CDK11B: variants seen among roughly 807,000 people sequenced by gnomAD.
The protein encoded by CDK11B is cyclin dependent kinase 11B.
CDK11B carries 37 observed loss-of-function variants against 84.0 expected under a neutral mutation model. The ratio of observed to expected loss-of-function variants is 0.44; its 90% CI spans 0.34 to 0.58. The LOEUF is 0.58. CDK11B is among the 20% of genes least tolerant of loss of function. The pLI, the probability that CDK11B is intolerant of heterozygous loss-of-function variation, is 0.02. For synonymous variants in CDK11B, 269 were observed against 309.8 expected (o/e 0.87, Z 1.38); for missense variants, 427 against 834.0 (o/e 0.51, Z 6.01).
Position 1,637,753 on chromosome 1 carries a change from C to G in CDK11B, c.1464+9G>C. 1 of 1,613,732 alleles carries G rather than the reference C, an allele frequency of 6.2e-7. No homozygotes were observed. The highest frequency in any genetic ancestry group is 1.1e-5 in the South Asian group (1 of 91,072). On this transcript the variant is annotated intron_variant, in intron 13 of 19. Transcript: ENST00000341832. The stretch of plus-strand genomic sequence containing the variant: ...CACCCGGGGCCAGGCGTGGTGGGGC[C>G]ATGCTCACTCTAACGGTGACGATGT...
intron 3 of CDK11B, among the ~76,000 whole-genome samples, chr1:1,653,863 C>CACACACA (rs761317190): frequency 9.8e-5 from 13 of 132,852 alleles, no homozygotes; most frequent in Middle Eastern, 3.4e-3. Flanking sequence ...CACACACACA[C>CACACACA]CCGAGCGTGG....
intron 4 of CDK11B, among the ~76,000 whole-genome samples, chr1:1,650,370 C>CTTTT (rs1214383150): frequency 6.6e-5 from 8 of 120,556 alleles, no homozygotes; most frequent in Admixed American, 4.3e-4. Context: ...TCTTTTTTTT[C>CTTTT]TTTTTTTTTT....
At chr1:1,645,906 T>A (rs1310493641) in intron 5 of CDK11B, 3 of 350,488 alleles carry the variant, frequency 8.6e-6, no homozygotes, top group African/African-American at 6.5e-5. Flanking sequence ...TGGCGCAATC[T>A]CGGCTCACTG....
chr1:1,641,237 G>A (rs1174466718), intron 9 of CDK11B, 124 bp from the exon 10 acceptor site: 16 of 1,497,454 alleles, frequency 1.1e-5, no homozygotes, highest in East Asian at 4.7e-5. Context: ...GGCCGGGCGC[G>A]GTGGCTCACG....
At position 1,640,261 on chromosome 1, in the gene CDK11B, G is replaced by A. The variant is rs1421706648; in HGVS notation, c.1251+16C>T. The A allele has an allele frequency of 1.2e-5, 20 of 1,612,496 alleles. No individual in the cohort carries two copies. Among genetic ancestry groups the A allele is most frequent in the Admixed American group, 5.0e-5 (3 of 59,970 alleles). ...GCCAATGCGGACAGTGGCCCGGGGC[G>A]AGGGGAGGGCCTGACCTGCAGGGCC... On this transcript the variant is annotated intron_variant, in intron 11 of 19. Transcript: ENST00000341832.
chr1:1,654,531 C>A (rs761862645), intron 3 of CDK11B, among the ~76,000 whole-genome samples: 1 of 152,210 alleles, frequency 6.6e-6, no homozygotes, highest in Non-Finnish European at 1.5e-5. Context: ...GATCTGCCTG[C>A]CTCGGCCTCC....
At chr1:1,657,110 A>G in intron 2 of CDK11B, 2 of 1,050,806 alleles carry the variant, frequency 1.9e-6, no homozygotes, top group South Asian at 1.4e-5. Context: ...AAATTAGTCC[A>G]GTTTTGCTAA....
intron 3 of CDK11B, 136 bp downstream of exon 3, chr1:1,655,233 C>G: frequency 9.0e-7 from 1 of 1,111,358 alleles, no homozygotes; most frequent in Non-Finnish European, 1.2e-6. Context: ...AATAGTTACG[C>G]TATGTCACAG....
At chr1:1,647,600 C>T (rs3820001) in intron 5 of CDK11B, among the ~76,000 whole-genome samples, 1 of 145,614 alleles carries the variant, frequency 6.9e-6, no homozygotes, top group South Asian at 2.2e-4. Context: ...TGAACGTTCA[C>T]GCGTCATTCG....
intron 11 of CDK11B, among the ~76,000 whole-genome samples, chr1:1,639,497 CCCTA>C (rs1236194575): frequency 2.0e-5 from 3 of 151,914 alleles, no homozygotes; most frequent in African/African-American, 7.3e-5. Context: ...TGAGGACGGG[CCCTA>C]CCTGCCAGGC....
intron 17 of CDK11B, 23 bp from the exon 18 acceptor site, chr1:1,636,504 C>G: frequency 6.2e-7 from 1 of 1,605,558 alleles, no homozygotes; most frequent in South Asian, 1.1e-5. Flanking sequence ...GGTGCTTCAA[C>G]AGCCACACCA....
intron 10 of CDK11B, among the ~76,000 whole-genome samples, chr1:1,640,751 G>A (rs1169354079): frequency 2.6e-5 from 4 of 152,256 alleles, no homozygotes; most frequent in Non-Finnish European, 4.4e-5. Flanking sequence ...GGCTGGGCCA[G>A]GCCTCTGCTC....
Position 1,635,302 on chromosome 1 carries a change from C to G in CDK11B, c.*462G>C. On this transcript the variant is annotated 3_prime_UTR_variant, in exon 20 of 20. Coordinates refer to ENST00000341832, the MANE Select transcript of CDK11B (RefSeq NM_033486.3). ...AAACCTGTCGAGTCTGCTGGCACAG[C>G]TGGGGCTGGGGGTTGGGGGCCGGGG... The G allele has an allele frequency of 4.6e-5, 3 of 65,780 alleles. No homozygotes were observed. The allele number at this position is 65,780 out of a possible 1,614,324, so 4.1% of individuals were successfully genotyped here. A position where few individuals can be genotyped will look rare whatever the true frequency, so the allele number is the denominator to read the frequency against.
rs1365291164 is a variant in CDK11B, at chr1:1,652,584, A to G, written c.228-18T>C. On this transcript the variant is annotated intron_variant, in intron 3 of 19. Coordinates refer to ENST00000341832, the MANE Select transcript of CDK11B (RefSeq NM_033486.3). ...CTTCTCCTCTGAAATAAAACACAAC[A>G]GCACTGCATCATGCTTGAGAAAGTG... 15 of 1,414,272 alleles carry G rather than the reference A, an allele frequency of 1.1e-5. No individual in the cohort carries two copies. Among genetic ancestry groups the G allele is most frequent in the Non-Finnish European group, 1.3e-5 (14 of 1,083,616 alleles). 87.6% of individuals were successfully genotyped at this position (1,414,272 alleles called of 1,614,324 possible).
rs1290529372 is a variant in CDK11B, at chr1:1,649,870, C to T, written c.356-233G>A. ...GGCACCTGTAATCCCAGCTACTAAG[C>T]GAGGCTGAGGCAGAAGAATTGCTTG... On this transcript the variant is annotated intron_variant, in intron 4 of 19. Transcript: ENST00000341832. Among the ~76,000 whole-genome samples, 19 of 146,334 alleles carry T rather than the reference C, an allele frequency of 1.3e-4. No homozygotes were observed. In the East Asian group the frequency reaches 3.7e-3, roughly 28 times the overall value.
intron 5 of CDK11B, among the ~76,000 whole-genome samples, chr1:1,647,255 T>TC (rs1167887496): frequency 2.8e-5 from 4 of 141,892 alleles, no homozygotes; most frequent in Non-Finnish European, 4.6e-5. Flanking sequence ...CAGACAGTTT[T>TC]TACTGATGAT....
At chr1:1,637,676 G>A in intron 13 of CDK11B, 86 bp downstream of exon 13, 1 of 1,612,102 alleles carries the variant, frequency 6.2e-7, no homozygotes, top group African/African-American at 1.3e-5. Context: ...GCAGGAGAGT[G>A]TAGGAAGCAC....
At chr1:1,654,769 T>C (rs888259514) in intron 3 of CDK11B, among the ~76,000 whole-genome samples, 11 of 151,828 alleles carry the variant, frequency 7.2e-5, no homozygotes, top group East Asian at 1.9e-4. Context: ...CGCCATTCTC[T>C]TGCCTCAGCC....
At chr1:1,654,652 C>A (rs916866775) in intron 3 of CDK11B, among the ~76,000 whole-genome samples, 5 of 129,254 alleles carry the variant, frequency 3.9e-5, no homozygotes, top group African/African-American at 1.0e-4. Context: ...TGTGCAAAAT[C>A]TTTTTTTTCC....
Sources: gnomAD v4.1 joint callset for allele counts (sites outside exome capture counted in the v4.1 genomes callset) on GRCh38, gnomAD v4.1.1 for gene constraint, MANE v1.5 for transcripts, NCBI Gene and HGNC (gene_info 2026-07-23, HGNC 2026-07-21) for gene names.